Variants in GALNT18 observed in about 807,000 individuals in gnomAD.
The protein encoded by GALNT18 is GalNAc-transferase 18.
In GALNT18, 44 loss-of-function variants were observed where a neutral mutation model predicts 69.5. That is an observed-to-expected ratio of 0.63 (90% CI 0.50 to 0.81). The LOEUF (loss-of-function observed/expected upper bound fraction) is 0.81. Ranked by LOEUF, GALNT18 falls within the 40% of genes least tolerant of loss-of-function variation. The pLI is 0.00. For missense variants in GALNT18, 715 were observed against 810.0 expected, an observed-to-expected ratio of 0.88 and a Z score of 1.42; for synonymous variants, 364 against 318.2, an observed-to-expected ratio of 1.14 and a Z score of -1.53.
At chr11:11,516,645 AC>A (rs1857283831) in intron 1 of GALNT18, among the ~76,000 whole-genome samples, 1 of 152,074 alleles carries the variant, frequency 6.6e-6, no homozygotes. Flanking sequence ...CAAAAACAAA[AC>A]AGAAAAAGAA....
Position 11,583,168 on chromosome 11 carries a change from C to G in GALNT18, c.235+38191G>C, listed in dbSNP as rs1859126740. On this transcript the variant is annotated intron_variant, in intron 1 of 10. Transcript: ENST00000227756. This position sits in a 1 kb window ranked among gnomAD's most constrained non-coding sequence, Gnocchi z 4.7. ...TCCCTTTAATGAGGTTTTTCCACAG[C>G]AGCACAGAACCAGTCTCCTGCTGAG... is the stretch of plus-strand genomic sequence containing the variant. 2.0e-5 allele frequency among the ~76,000 whole-genome samples: 3 copies of G among 152,182 alleles called. No individual in the cohort carries two copies. Among genetic ancestry groups the G allele is most frequent in the Admixed American group, 2.0e-4 (3 of 15,280 alleles).
chr11:11,451,624 T>G (rs978151183), intron 1 of GALNT18, among the ~76,000 whole-genome samples: 1 of 152,214 alleles, frequency 6.6e-6, no homozygotes, highest in Admixed American at 6.5e-5. Context: ...CCTTATCGAA[T>G]GTTGCCTCTC....
chr11:11,351,906 C>T (rs986368383), intron 6 of GALNT18: 9 of 1,475,102 alleles, frequency 6.1e-6, no homozygotes. Context: ...GGTGGACTCC[C>T]CCACCTCTGC....
chr11:11,471,875 CA>C (rs566252811), intron 1 of GALNT18, among the ~76,000 whole-genome samples: 1 of 152,352 alleles, frequency 6.6e-6, no homozygotes, highest in African/African-American at 2.4e-5. Context: ...ACAAATCAAA[CA>C]GCTTTGCAGC....
At chr11:11,554,256 C>G (rs1012438191) in intron 1 of GALNT18, among the ~76,000 whole-genome samples, 2 of 152,154 alleles carry the variant, frequency 1.3e-5, no homozygotes, top group Admixed American at 6.5e-5. Context: ...TCTCAGTGGG[C>G]TTGTTCCCCT....
chr11:11,583,574 G>C lies in GALNT18; in HGVS notation c.235+37785C>G, dbSNP rs762913829. On this transcript the variant is annotated intron_variant, in intron 1 of 10. Transcript: ENST00000227756. The surrounding 1 kb of genome is among the most constrained non-coding windows in gnomAD (Gnocchi z 4.7). ...CTAAATTCCTCTCCACCTGGCCCCAGCAAAGGATACATTTACATCTCATTC... is the reference window on the plus strand; with the variant it reads ...CTAAATTCCTCTCCACCTGGCCCCACCAAAGGATACATTTACATCTCATTC... Among the ~76,000 whole-genome samples, 11 of 152,172 alleles carry C rather than the reference G, an allele frequency of 7.2e-5. No homozygotes were observed. The highest frequency in any genetic ancestry group is 1.0e-4 in the Non-Finnish European group (7 of 68,034).
chr11:11,346,305 C>G (rs1850302354), intron 6 of GALNT18, among the ~76,000 whole-genome samples: 1 of 152,192 alleles, frequency 6.6e-6, no homozygotes, highest in African/African-American at 2.4e-5. Context: ...TATTCAATAA[C>G]TATTATTTGA....
intron 1 of GALNT18, among the ~76,000 whole-genome samples, chr11:11,575,169 T>C (rs1023857822): frequency 2.6e-5 from 4 of 152,128 alleles, no homozygotes; most frequent in Non-Finnish European, 5.9e-5. Flanking sequence ...AGCCAGTCCA[T>C]TGCATCTGTA....
At chr11:11,374,999 TTGAC>T (rs1187645147) in intron 5 of GALNT18, among the ~76,000 whole-genome samples, 1 of 152,248 alleles carries the variant, frequency 6.6e-6, no homozygotes, top group African/African-American at 2.4e-5. Flanking sequence ...AAGTCTTTCT[TTGAC>T]TGGCAGTCAG....
At chr11:11,611,702 A>G (rs541123067) in intron 1 of GALNT18, among the ~76,000 whole-genome samples, 1 of 152,308 alleles carries the variant, frequency 6.6e-6, no homozygotes, top group African/African-American at 2.4e-5. Flanking sequence ...GGCACAGGAA[A>G]GCACTCAGCC....
At chr11:11,408,259 T>G (rs1033082104) in intron 3 of GALNT18, among the ~76,000 whole-genome samples, 1 of 149,762 alleles carries the variant, frequency 6.7e-6, no homozygotes, top group Non-Finnish European at 1.5e-5. Flanking sequence ...TCCCAGCTAC[T>G]TGGGAGGCTG....
intron 10 of GALNT18, among the ~76,000 whole-genome samples, chr11:11,278,509 A>AT (rs1467446335): frequency 6.6e-6 from 1 of 152,064 alleles, no homozygotes; most frequent in Non-Finnish European, 1.5e-5. Context: ...AACTTATAGT[A>AT]TAAAAAAAAA....
chr11:11,386,578 C>T (rs1411074889), intron 3 of GALNT18, among the ~76,000 whole-genome samples: 1 of 152,158 alleles, frequency 6.6e-6, no homozygotes, highest in Non-Finnish European at 1.5e-5. Flanking sequence ...AATATTGACC[C>T]TATTTCTCTC....
chr11:11,353,476 C>A, intron 6 of GALNT18: 1 of 369,060 alleles, frequency 2.7e-6, no homozygotes. Context: ...CTTGTGCTAT[C>A]CAGCTGCTAT....
chr11:11,592,191 C>T lies in GALNT18; in HGVS notation c.235+29168G>A, dbSNP rs952920941. Among the ~76,000 whole-genome samples, 3 of 152,288 alleles carry T rather than the reference C, an allele frequency of 2.0e-5. No homozygotes were observed. Among genetic ancestry groups the T allele is most frequent in the African/African-American group, 7.2e-5 (3 of 41,572 alleles). On this transcript the variant is annotated intron_variant, in intron 1 of 10. Transcript: ENST00000227756. This position sits in a 1 kb window ranked among gnomAD's most constrained non-coding sequence, Gnocchi z 5.9. ...TCTCTAAGCAAGTCCCTAGAAACAT[C>T]ATCAATCTGTCTCTGGCAGGCGTTT...
rs117018679 is a variant in GALNT18 at position 11,315,372 on chromosome 11, T to C, written c.1512+11714A>G. 3.2e-3 allele frequency among the ~76,000 whole-genome samples: 494 copies of C among 152,160 alleles called. 2 individuals carry two copies. The highest frequency in any genetic ancestry group is 5.5e-3 in the Non-Finnish European group (372 of 68,008). On this transcript the variant is annotated intron_variant, in intron 9 of 10. Transcript: ENST00000227756. The surrounding 1 kb of genome is among the most constrained non-coding windows in gnomAD (Gnocchi z 5.6). ...TGAAACAACTCACTCCATCATCACT[T>C]ACCAATGAGGAGACAGACAGAATAG...
rs553346301 is a variant in GALNT18, at chr11:11,562,352, G to A, written c.235+59007C>T. ...GTTTCCCCTTTAGATGTGCACACCC[G>A]TCATATTGGATTGGGGCCCACCCCA... On this transcript the variant is annotated intron_variant, in intron 1 of 10. Transcript: ENST00000227756. This position sits in a 1 kb window ranked among gnomAD's most constrained non-coding sequence, Gnocchi z 4.1. 5.3e-5 allele frequency among the ~76,000 whole-genome samples: 8 copies of A among 152,134 alleles called. No individual in the cohort carries two copies. The South Asian group carries it at 1.0e-3, about 20-fold the overall frequency.
At chr11:11,474,888 G>GT (rs1302545992) in intron 1 of GALNT18, among the ~76,000 whole-genome samples, 1 of 152,234 alleles carries the variant, frequency 6.6e-6, no homozygotes, top group South Asian at 2.1e-4. Context: ...ATGAGAGACA[G>GT]TGTTGACTCC....
At position 11,562,610 on chromosome 11, in the gene GALNT18, C is replaced by A. The variant is rs1364732327; in HGVS notation, c.235+58749G>T. On this transcript the variant is annotated intron_variant, in intron 1 of 10. Transcript: ENST00000227756. This position sits in a 1 kb window ranked among gnomAD's most constrained non-coding sequence, Gnocchi z 4.1. ...AACCTGCCTCCTACCCCAGCAACCC[C>A]ATGGCACAGCACAATTTCAAGGCCC... Among the ~76,000 whole-genome samples, 2 of 152,128 alleles carry A rather than the reference C, an allele frequency of 1.3e-5. No individual in the cohort carries two copies. The highest frequency in any genetic ancestry group is 2.9e-5 in the Non-Finnish European group (2 of 68,032).
Sources: allele counts gnomAD v4.1 joint callset (sites outside exome capture counted in the v4.1 genomes callset), GRCh38; gene constraint gnomAD v4.1.1; non-coding constraint Gnocchi (gnomAD v3.1); transcripts MANE v1.5; gene names NCBI Gene and HGNC (gene_info 2026-07-23, HGNC 2026-07-21).